Variants in CMKLR1 observed in about 807,000 individuals in gnomAD.
The protein encoded by CMKLR1 is chemerin chemokine-like receptor 1, also known as chemerin-like receptor 1.
In CMKLR1, 6 loss-of-function variants were observed where a neutral mutation model predicts 8.2. That is an observed-to-expected ratio of 0.73 (90% CI 0.40 to 1.44). CMKLR1 has a LOEUF of 1.44. Ranked by LOEUF, CMKLR1 falls within the 40% of genes most tolerant of loss-of-function variation. CMKLR1 has a pLI of 0.02. For missense variants in CMKLR1, 429 were observed against 478.0 expected, an observed-to-expected ratio of 0.90 and a Z score of 0.96; for synonymous variants, 178 against 181.2, an observed-to-expected ratio of 0.98 and a Z score of 0.14.
chr12:108,304,499 C>T (rs907697107), intron 2 of CMKLR1, among the ~76,000 whole-genome samples: 2 of 152,168 alleles, frequency 1.3e-5, no homozygotes, highest in Admixed American at 6.5e-5. Flanking sequence ...TCTCTCTGTC[C>T]TTTGTCTCTT....
At chr12:108,316,030 G>A (rs539966747) in intron 2 of CMKLR1, among the ~76,000 whole-genome samples, 1 of 152,338 alleles carries the variant, frequency 6.6e-6, no homozygotes, top group East Asian at 1.9e-4. Context: ...TCTAAGAGGA[G>A]GGGATGTGTT....
At position 108,295,494 on chromosome 12, in the gene CMKLR1, A is replaced by G. The variant is rs374283761; in HGVS notation, c.-73-1830T>C. ...ATGGCCTTACTAGGGTCCCTTCCCA[A>G]AAGGAGCTCACAGGTATGAGACAAA... is the stretch of plus-strand genomic sequence containing the variant. On this transcript the variant is annotated intron_variant, in intron 2 of 3. Transcript: ENST00000550402. Among the ~76,000 whole-genome samples, 3 of 152,318 alleles carry G rather than the reference A, an allele frequency of 2.0e-5. No individual in the cohort carries two copies. The South Asian group carries it at 6.2e-4, about 32-fold the overall frequency.
intron 2 of CMKLR1, among the ~76,000 whole-genome samples, chr12:108,298,365 C>T (rs1250736702): frequency 6.6e-6 from 1 of 152,210 alleles, no homozygotes; most frequent in African/African-American, 2.4e-5. Flanking sequence ...TGCTATCACT[C>T]CCATTGTAAA....
intron 2 of CMKLR1, among the ~76,000 whole-genome samples, chr12:108,311,138 T>C (rs1266907391): frequency 1.3e-5 from 2 of 152,136 alleles, no homozygotes; most frequent in Non-Finnish European, 2.9e-5. Flanking sequence ...TGAACTGAAG[T>C]CAATGTCGTG....
chr12:108,322,006 A>G lies in CMKLR1; in HGVS notation c.-74+7989T>C, dbSNP rs117639354. 9.5e-3 allele frequency among the ~76,000 whole-genome samples: 1,438 copies of G among 152,088 alleles called. 12 individuals are homozygous for G. The highest frequency in any genetic ancestry group is 0.02 in the Middle Eastern group (6 of 294). ...TGTCTATTAGTTCCCACAAGAATTG[A>G]TTGTTTAAAAGGAAGAGGTTGAGGG... On this transcript the variant is annotated intron_variant, in intron 2 of 3. Transcript: ENST00000550402.
In CMKLR1 at chr12:108,300,237, G is replaced by C. The variant is rs748595715; in HGVS notation, c.-73-6573C>G. Among the ~76,000 whole-genome samples, 37 of 152,218 alleles carry C rather than the reference G, an allele frequency of 2.4e-4. 1 individual carries two copies. Among genetic ancestry groups the C allele is most frequent in the Non-Finnish European group, 4.6e-4 (31 of 68,040 alleles). On this transcript the variant is annotated intron_variant, in intron 2 of 3. Coordinates refer to ENST00000550402, the MANE Select transcript of CMKLR1 (RefSeq NM_001142343.2). ...TGCCTGGCAGCCCTGGGCTCCAGGA[G>C]CAGGTGCGCCAGGGAACACGGCCTT... is the stretch of plus-strand genomic sequence containing the variant.
At chr12:108,310,082 T>C (rs1158122707) in intron 2 of CMKLR1, among the ~76,000 whole-genome samples, 2 of 151,958 alleles carry the variant, frequency 1.3e-5, no homozygotes, top group Non-Finnish European at 2.9e-5. Context: ...TTGGAGGGTA[T>C]GAAGCCTTTG....
intron 2 of CMKLR1, among the ~76,000 whole-genome samples, chr12:108,316,574 A>G (rs766370801): frequency 5.9e-5 from 9 of 152,200 alleles, no homozygotes; most frequent in Non-Finnish European, 1.2e-4. Context: ...GGACAAGGCT[A>G]AAAGGAGTCT....
intron 2 of CMKLR1, among the ~76,000 whole-genome samples, chr12:108,312,403 C>T (rs1004465323): frequency 3.3e-5 from 5 of 152,206 alleles, no homozygotes; most frequent in African/African-American, 7.2e-5. Flanking sequence ...CCTACCAGCA[C>T]GGCTTCTCCA....
chr12:108,327,592 G>A (rs1191949132), intron 2 of CMKLR1, among the ~76,000 whole-genome samples: 1 of 152,200 alleles, frequency 6.6e-6, no homozygotes, highest in African/African-American at 2.4e-5. Flanking sequence ...TTTTCCCACT[G>A]CCCACACATC....
In CMKLR1 at chr12:108,290,456, CTAAA is replaced by C. The variant is rs1890933407; in HGVS notation, c.*1381_*1384del. On this transcript the variant is annotated 3_prime_UTR_variant, in exon 4 of 4. Coordinates refer to ENST00000550402, the MANE Select transcript of CMKLR1 (RefSeq NM_001142343.2). ...TGTAAAGTGCATAATATAAAAAGTG[CTAAA>C]TAAATGTAGGCTATCAATATACTAG... The C allele has an allele frequency of 6.6e-6, 1 of 152,148 alleles. No homozygotes were observed. The highest frequency in any genetic ancestry group is 2.1e-4 in the South Asian group (1 of 4,828). 9.4% of individuals were successfully genotyped at this position (152,148 alleles called of 1,614,324 possible).
chr12:108,328,537 T>C (rs897534474), intron 2 of CMKLR1, among the ~76,000 whole-genome samples: 1 of 152,208 alleles, frequency 6.6e-6, no homozygotes, highest in Non-Finnish European at 1.5e-5. Flanking sequence ...GAAATGGGTT[T>C]CAAAAGAGGT....
At chr12:108,321,828 A>G (rs1891869553) in intron 2 of CMKLR1, among the ~76,000 whole-genome samples, 1 of 152,176 alleles carries the variant, frequency 6.6e-6, no homozygotes, top group Non-Finnish European at 1.5e-5. Flanking sequence ...AATTGAGCAC[A>G]TATGGTGATA....
At chr12:108,321,478 GCATGATGAGCAAAA>G (rs1891860238) in intron 2 of CMKLR1, among the ~76,000 whole-genome samples, 1 of 151,972 alleles carries the variant, frequency 6.6e-6, no homozygotes, top group Non-Finnish European at 1.5e-5. Context: ...GCAAAATATT[GCATGATGAGCAAAA>G]CATCAAAATA....
rs1435027734 is a variant in CMKLR1, at chr12:108,291,020, G to A, written c.*821C>T. The A allele has an allele frequency of 6.6e-6, 1 of 152,374 alleles. No individual in the cohort carries two copies. Among genetic ancestry groups the A allele is most frequent in the Non-Finnish European group, 1.5e-5 (1 of 68,150 alleles). The allele number at this position is 152,374 out of a possible 1,614,324, so 9.4% of individuals were successfully genotyped here. On this transcript the variant is annotated 3_prime_UTR_variant, in exon 4 of 4. Coordinates refer to ENST00000550402, the MANE Select transcript of CMKLR1 (RefSeq NM_001142343.2). ...ATGCCTGCCACAACCCCACCCCCAG[G>A]TAAGAGGGGCAAGGTGAGATCAGGG... is the stretch of plus-strand genomic sequence containing the variant.
At position 108,292,832 on chromosome 12, in the gene CMKLR1, A is replaced by C; in HGVS notation, c.131T>G (p.Val44Gly). Residue 44 changes from valine (V) to glycine (G), a missense_variant, in exon 4 of 4, where the codon GTG becomes GGG. By Grantham distance (109) the Val-to-Gly change is moderately radical (BLOSUM62 -3). Transcript: ENST00000550402. ...GAAGCAGACGATGCTGTAGACCACC[A>C]CCAGGAAGATCCTGGTCACCCTGGC... is the stretch of plus-strand genomic sequence containing the variant. The part of the protein sequence containing the change: ...LEARVTRIFL[V>G]VVYSIVCFLG... The C allele has an allele frequency of 6.2e-7, 1 of 1,614,124 alleles. No individual in the cohort carries two copies. Among genetic ancestry groups the C allele is most frequent in the Non-Finnish European group, 8.5e-7 (1 of 1,180,020 alleles).
intron 2 of CMKLR1, among the ~76,000 whole-genome samples, chr12:108,324,434 C>T (rs1462819598): frequency 1.3e-5 from 2 of 152,068 alleles, no homozygotes; most frequent in Non-Finnish European, 2.9e-5. Context: ...GGAAGAGGAT[C>T]CTATCATGTG....
chr12:108,290,877 T>C lies in CMKLR1; in HGVS notation c.*964A>G, dbSNP rs1168669545. On this transcript the variant is annotated 3_prime_UTR_variant, in exon 4 of 4. Transcript: ENST00000550402. ...CTGTCTCCAAAGGCGTTGAGGAAAT[T>C]AACCAGAATGAGAAGCCCCACCACC... 1 of 152,210 alleles carries C rather than the reference T, an allele frequency of 6.6e-6. No homozygotes were observed. Among genetic ancestry groups the C allele is most frequent in the Non-Finnish European group, 1.5e-5 (1 of 68,064 alleles). The allele number at this position is 152,210 out of a possible 1,614,324, so 9.4% of individuals were successfully genotyped here. A position where few individuals can be genotyped will look rare whatever the true frequency, so the allele number is the denominator to read the frequency against.
chr12:108,321,870 T>C (rs1891871000), intron 2 of CMKLR1, among the ~76,000 whole-genome samples: 1 of 152,174 alleles, frequency 6.6e-6, no homozygotes, highest in South Asian at 2.1e-4. Context: ...CCAAATCTCA[T>C]GTTGAAATCT....
Sources: allele counts gnomAD v4.1 joint callset (sites outside exome capture counted in the v4.1 genomes callset), GRCh38; gene constraint gnomAD v4.1.1; transcripts MANE v1.5; gene names NCBI Gene and HGNC (gene_info 2026-07-23, HGNC 2026-07-21).